The following RHBDL3 variants were observed in gnomAD, a reference collection of about 807,000 sequenced individuals.
RHBDL3 encodes rhomboid-related protein 3.
In RHBDL3, 28 loss-of-function variants were observed where a neutral mutation model predicts 48.2. The observed-to-expected ratio is 0.58, with a 90% CI of 0.43 to 0.80. The LOEUF is 0.80. Among genes scored for constraint, RHBDL3 ranks in the 30% least tolerant of loss-of-function variants. The probability of loss-of-function intolerance (pLI) is 0.00; values close to 1 mark genes in which losing one functional copy is unlikely to be tolerated. For synonymous variants in RHBDL3, 208 were observed against 232.3 expected, an observed-to-expected ratio of 0.90 and a Z score of 0.95; for missense variants, 464 against 542.7, an observed-to-expected ratio of 0.85 and a Z score of 1.44.
chr17:32,281,801 A>G lies in RHBDL3; in HGVS notation c.136-2858A>G, dbSNP rs138902412. Among the ~76,000 whole-genome samples, 793 of 152,234 alleles carry G rather than the reference A, an allele frequency of 5.2e-3. 4 individuals are homozygous for G. The highest frequency in any genetic ancestry group is 8.8e-3 in the Non-Finnish European group (601 of 68,002). The stretch of plus-strand genomic sequence containing the variant: ...TGCCTATGGTAGGGCTGTGAGACTC[A>G]TGGAGCCCCTTCCTCTCCTGGGCCC... On this transcript the variant is annotated intron_variant, in intron 2 of 8. Coordinates refer to ENST00000269051, the MANE Select transcript of RHBDL3 (RefSeq NM_138328.3).
chr17:32,266,810 GC>G (rs2039644191), intron 1 of RHBDL3, among the ~76,000 whole-genome samples: 1 of 152,190 alleles, frequency 6.6e-6, no homozygotes, highest in Non-Finnish European at 1.5e-5. Flanking sequence ...ATTCAAGCCG[GC>G]CCCCGCCTCT....
chr17:32,277,134 C>T, intron 2 of RHBDL3, among the ~76,000 whole-genome samples: 1 of 152,202 alleles, frequency 6.6e-6, no homozygotes, highest in East Asian at 1.9e-4. Context: ...GAGGTCTTTA[C>T]CCCAGTGGCA....
intron 7 of RHBDL3, 84 bp downstream of exon 7, chr17:32,305,525 C>A: frequency 9.9e-7 from 1 of 1,015,024 alleles, no homozygotes. Flanking sequence ...CTGGGGCTGG[C>A]TCACCAAAAA....
intron 7 of RHBDL3, among the ~76,000 whole-genome samples, chr17:32,307,657 G>T (rs1392302341): frequency 1.3e-5 from 2 of 152,192 alleles, no homozygotes; most frequent in Non-Finnish European, 2.9e-5. Flanking sequence ...GTTGGGAAAC[G>T]TGGAACGGTG....
chr17:32,299,057 T>TA, intron 6 of RHBDL3, among the ~76,000 whole-genome samples: 1 of 151,858 alleles, frequency 6.6e-6, no homozygotes, highest in East Asian at 1.9e-4. Context: ...TTTTTTTTTT[T>TA]TTTTTTAACA....
chr17:32,283,448 C>T (rs765348246), intron 2 of RHBDL3, among the ~76,000 whole-genome samples: 6 of 151,624 alleles, frequency 4.0e-5, no homozygotes, highest in South Asian at 2.1e-4. Context: ...CTCAGCCTCC[C>T]GAGTAGCTGG....
chr17:32,294,911 A>G (rs17805538), intron 5 of RHBDL3, among the ~76,000 whole-genome samples: 81,238 of 152,000 alleles, frequency 0.53, 23,711 homozygotes, highest in African/African-American at 0.8. Context: ...TGTTTATAGA[A>G]CCCTGTAGCC....
chr17:32,321,015 C>CG lies in RHBDL3; in HGVS notation c.1002dup (p.Cys335ValfsTer129). On this transcript the variant is annotated frameshift_variant, in exon 9 of 9. Coordinates refer to ENST00000269051, the MANE Select transcript of RHBDL3 (RefSeq NM_138328.3). LOFTEE classifies it high-confidence loss of function. The stretch of plus-strand genomic sequence containing the variant: ...CGCTTCCACCCGTCGGCCTATCCCC[C>CG]GTGCCCTCACCCAAGCTTTGTGGCG... The CG allele has an allele frequency of 6.2e-7, 1 of 1,614,176 alleles. No homozygotes were observed. The highest frequency in any genetic ancestry group is 1.1e-5 in the South Asian group (1 of 91,080).
chr17:32,314,090 C>G (rs2040912584), intron 7 of RHBDL3, among the ~76,000 whole-genome samples: 1 of 151,590 alleles, frequency 6.6e-6, no homozygotes, highest in Non-Finnish European at 1.5e-5. Flanking sequence ...ATGTATATAT[C>G]AGCAGGTGAC....
At chr17:32,267,159 A>G (rs751172807) in intron 1 of RHBDL3, among the ~76,000 whole-genome samples, 2 of 151,954 alleles carry the variant, frequency 1.3e-5, no homozygotes, top group Non-Finnish European at 2.9e-5. Flanking sequence ...AACCCACACA[A>G]CGAAAGCGGG....
intron 2 of RHBDL3, 79 bp downstream of exon 2, chr17:32,268,004 C>A: frequency 9.3e-7 from 1 of 1,078,584 alleles, no homozygotes; most frequent in South Asian, 1.2e-5. Flanking sequence ...CGTGGGCTTC[C>A]CTAGCTCCGC....
At chr17:32,267,978 TCA>T in intron 2 of RHBDL3, 53 bp downstream of exon 2, 1 of 1,405,332 alleles carries the variant, frequency 7.1e-7, no homozygotes. Context: ...GAAATCGGTC[TCA>T]GTCTCCCTGC....
chr17:32,306,141 C>T (rs934811990), intron 7 of RHBDL3, among the ~76,000 whole-genome samples: 7 of 152,112 alleles, frequency 4.6e-5, no homozygotes, highest in Admixed American at 1.3e-4. Flanking sequence ...AGTCATTTCC[C>T]GGCCAGGCAC....
In RHBDL3 at chr17:32,267,995, G is replaced by C. The variant is rs190193480; in HGVS notation, c.135+70G>C. Reference sequence around the variant, plus strand: ...AATCGGTCTCAGTCTCCCTGCTTGCGTGGGCTTCCCTAGCTCCGCGCTCCT... The same window carrying C: ...AATCGGTCTCAGTCTCCCTGCTTGCCTGGGCTTCCCTAGCTCCGCGCTCCT... On this transcript the variant is annotated intron_variant, in intron 2 of 8. Coordinates refer to ENST00000269051, the MANE Select transcript of RHBDL3 (RefSeq NM_138328.3). 3.3e-6 allele frequency: 4 copies of C among 1,229,014 alleles called. No homozygotes were observed. In the East Asian group the frequency reaches 7.0e-5, roughly 21 times the overall value. The allele number at this position is 1,229,014 out of a possible 1,614,324, so 76.1% of individuals were successfully genotyped here.
At position 32,321,135 on chromosome 17, in the gene RHBDL3, T is replaced by C; in HGVS notation, c.1121T>C (p.Phe374Ser). 6.2e-7 allele frequency: 1 copy of C among 1,614,260 alleles called. No individual in the cohort carries two copies. The highest frequency in any genetic ancestry group is 1.6e-4 in the Middle Eastern group (1 of 6,062). Residue 374 changes from phenylalanine to serine, a missense_variant, in exon 9 of 9, where the codon TTT (phenylalanine) becomes TCT (serine). Transcript: ENST00000269051. ...RLQDQSLWWI[F>S]VAMYTVFVLF... ...CAGGACCAGTCACTGTGGTGGATTT[T>C]TGTGGCCATGTACACCGTCTTCGTG...
intron 2 of RHBDL3, among the ~76,000 whole-genome samples, chr17:32,274,089 C>T (rs2039839378): frequency 1.3e-5 from 2 of 152,230 alleles, no homozygotes; most frequent in South Asian, 4.1e-4. Flanking sequence ...TTCCTTCCAC[C>T]ATATCAGGCT....
intron 3 of RHBDL3, among the ~76,000 whole-genome samples, chr17:32,287,859 G>A (rs2040233227): frequency 6.6e-6 from 1 of 152,230 alleles, no homozygotes; most frequent in South Asian, 2.1e-4. Flanking sequence ...GTGGAAGGCA[G>A]GTGGGAGGTA....
chr17:32,266,348 G>C, intron 1 of RHBDL3, 48 bp downstream of exon 1: 1 of 1,043,388 alleles, frequency 9.6e-7, no homozygotes. Context: ...GGCGCCGGGG[G>C]GAAAAGCCGC....
chr17:32,302,411 T>C (rs2040605085), intron 6 of RHBDL3, among the ~76,000 whole-genome samples: 2 of 151,980 alleles, frequency 1.3e-5, no homozygotes, highest in African/African-American at 4.8e-5. Context: ...GGCTGGAGTG[T>C]AGTGGCACGA....
Sources: gnomAD v4.1 joint callset for allele counts (sites outside exome capture counted in the v4.1 genomes callset) on GRCh38, gnomAD v4.1.1 for gene constraint, MANE v1.5 for transcripts, NCBI Gene and HGNC (gene_info 2026-07-23, HGNC 2026-07-21) for gene names.